Variants in GALNTL5 observed in about 807,000 individuals in gnomAD.
GALNTL5 encodes the protein polypeptide N-acetylgalactosaminyltransferase like 5, also known as inactive polypeptide N-acetylgalactosaminyltransferase-like protein 5.
In GALNTL5, 44 loss-of-function variants were observed where a neutral mutation model predicts 51.0. The ratio of observed to expected loss-of-function variants is 0.86; its 90% confidence interval spans 0.68 to 1.11. The LOEUF (loss-of-function observed/expected upper bound fraction) is 1.11, where lower values mean the gene tolerates loss of function less well. Ranked by LOEUF, GALNTL5 falls within the 50% of genes least tolerant of loss-of-function variation. The pLI, the probability that GALNTL5 is intolerant of heterozygous loss-of-function variation, is 0.00. For missense variants in GALNTL5, 528 were observed against 531.8 expected (o/e 0.99, Z 0.07); for synonymous variants, 192 against 182.8 (o/e 1.05, Z -0.41).
intron 7 of GALNTL5, among the ~76,000 whole-genome samples, chr7:152,013,404 A>G (rs57701367): frequency 0.067 from 10,183 of 152,208 alleles, 1,119 homozygotes; most frequent in African/African-American, 0.23. Flanking sequence ...TCCTTCATGT[A>G]TCAGCTAGCT....
At chr7:151,991,382 C>A (rs954399171) in intron 5 of GALNTL5, among the ~76,000 whole-genome samples, 3 of 152,120 alleles carry the variant, frequency 2.0e-5, no homozygotes, top group Admixed American at 6.5e-5. Flanking sequence ...TGAGCCACTG[C>A]GCACGGCCTG....
chr7:151,993,464 T>C (rs928330516), intron 5 of GALNTL5, among the ~76,000 whole-genome samples: 3 of 152,180 alleles, frequency 2.0e-5, no homozygotes, highest in South Asian at 2.1e-4. Context: ...ATTGTCTTCT[T>C]TTTTTTAGGA....
intron 1 of GALNTL5, among the ~76,000 whole-genome samples, chr7:151,966,499 C>T (rs534461764): frequency 2.0e-5 from 3 of 152,246 alleles, no homozygotes; most frequent in African/African-American, 7.2e-5. Flanking sequence ...GAACTCCTGA[C>T]CTCAGGTGAT....
chr7:152,014,416 C>T (rs113625973), intron 7 of GALNTL5, among the ~76,000 whole-genome samples: 2,512 of 152,090 alleles, frequency 0.017, 65 homozygotes, highest in African/African-American at 0.054. Flanking sequence ...TACAGGCATG[C>T]GCCACCACGC....
At chr7:151,966,182 A>T (rs577385076) in intron 1 of GALNTL5, among the ~76,000 whole-genome samples, 1 of 152,076 alleles carries the variant, frequency 6.6e-6, no homozygotes, top group African/African-American at 2.4e-5. Context: ...ATTCATTTCC[A>T]TCATTGAAAG....
At chr7:151,965,714 A>G (rs2081050777) in intron 1 of GALNTL5, among the ~76,000 whole-genome samples, 1 of 152,170 alleles carries the variant, frequency 6.6e-6, no homozygotes, top group South Asian at 2.1e-4. Flanking sequence ...CCTTGTCTAT[A>G]CAAAAAAATA....
chr7:151,966,267 CTTT>C (rs199729215), intron 1 of GALNTL5, among the ~76,000 whole-genome samples: 2 of 143,884 alleles, frequency 1.4e-5, no homozygotes, highest in African/African-American at 2.5e-5. Context: ...TCTTTTCTTT[CTTT>C]TTTTTTTTTT....
chr7:151,967,928 CAT>C (rs1405707893), intron 2 of GALNTL5, among the ~76,000 whole-genome samples: 1 of 152,116 alleles, frequency 6.6e-6, no homozygotes, highest in African/African-American at 2.4e-5. Flanking sequence ...TTCTGATACA[CAT>C]ATCTTTTTGG....
At chr7:151,983,174 C>T (rs1217160016) in intron 4 of GALNTL5, 22 bp downstream of exon 4, 2 of 1,584,352 alleles carry the variant, frequency 1.3e-6, no homozygotes, top group Non-Finnish European at 1.7e-6. Flanking sequence ...CACTCATTAT[C>T]TCATCTACTT....
At chr7:151,981,025 T>G (rs57578446) in intron 3 of GALNTL5, among the ~76,000 whole-genome samples, 4,130 of 151,984 alleles carry the variant, frequency 0.027, 75 homozygotes, top group South Asian at 0.044. Context: ...GATTACAGGC[T>G]TGAGCCACCG....
Position 152,014,677 on chromosome 7 carries a change from C to G in GALNTL5, c.1060C>G (p.Pro354Ala), listed in dbSNP as rs749031392. Residue 354 changes from proline to alanine, a missense_variant, in exon 8 of 9, where the codon CCC becomes GCC. Pro to Ala is a conservative substitution (Grantham distance 27, BLOSUM62 -1). Coordinates refer to ENST00000392800, the MANE Select transcript of GALNTL5 (RefSeq NM_145292.4). ...WMCGGQLFII[P>A]CSRVGHISKK... ...GTGTGGAGGCCAACTCTTTATAATC[C>G]CCTGCTCTCGAGTAGGACATATCAG... is the stretch of plus-strand genomic sequence containing the variant. 1.2e-6 allele frequency: 2 copies of G among 1,612,044 alleles called. No individual in the cohort carries two copies. Among genetic ancestry groups the G allele is most frequent in the Non-Finnish European group, 1.7e-6 (2 of 1,179,218 alleles).
intron 5 of GALNTL5, among the ~76,000 whole-genome samples, chr7:151,999,258 C>A (rs1563019674): frequency 6.6e-6 from 1 of 152,188 alleles, no homozygotes; most frequent in African/African-American, 2.4e-5. Context: ...CAGTTTGTTT[C>A]TCCATTCATC....
chr7:152,007,769 GA>G lies in GALNTL5; in HGVS notation c.909-55del, dbSNP rs2081667903. 37 of 976,552 alleles carry G rather than the reference GA, an allele frequency of 3.8e-5. No homozygotes were observed. The South Asian group carries it at 5.0e-4, about 13-fold the overall frequency. 60.5% of individuals were successfully genotyped at this position (976,552 alleles called of 1,614,324 possible). ...ATTACTAATTTAATATAATTTTGAG[GA>G]AACTACAGAATGACTTTCTCTGTGA... On this transcript the variant is annotated intron_variant, in intron 6 of 8. Transcript: ENST00000392800.
At chr7:151,989,824 T>C (rs2081405218) in intron 5 of GALNTL5, among the ~76,000 whole-genome samples, 1 of 152,198 alleles carries the variant, frequency 6.6e-6, no homozygotes, top group South Asian at 2.1e-4. Flanking sequence ...CCATCAAATT[T>C]TTTCATATTT....
intron 2 of GALNTL5, among the ~76,000 whole-genome samples, chr7:151,968,551 G>T (rs2081088350): frequency 6.6e-6 from 1 of 152,142 alleles, no homozygotes; most frequent in Admixed American, 6.5e-5. Flanking sequence ...TTTCCCCGAG[G>T]TCACACCCTA....
At chr7:151,987,683 A>G (rs2081376576) in intron 5 of GALNTL5, among the ~76,000 whole-genome samples, 1 of 152,160 alleles carries the variant, frequency 6.6e-6, no homozygotes, top group Non-Finnish European at 1.5e-5. Flanking sequence ...GGACCCCACA[A>G]TGAAATAAGA....
At chr7:152,011,942 T>C (rs2081743167) in intron 7 of GALNTL5, among the ~76,000 whole-genome samples, 1 of 152,244 alleles carries the variant, frequency 6.6e-6, no homozygotes, top group African/African-American at 2.4e-5. Flanking sequence ...TTACTTTTTC[T>C]TTCATCTGTC....
chr7:151,993,868 C>T (rs2081458966), intron 5 of GALNTL5, among the ~76,000 whole-genome samples: 2 of 152,124 alleles, frequency 1.3e-5, no homozygotes, highest in Non-Finnish European at 1.5e-5. Context: ...AATATTCTCC[C>T]ATCTTAACCT....
intron 5 of GALNTL5, among the ~76,000 whole-genome samples, chr7:151,998,786 A>C (rs536755242): frequency 1.2e-4 from 18 of 150,394 alleles, no homozygotes; most frequent in Middle Eastern, 6.8e-3. Flanking sequence ...AAAAAAAACA[A>C]AAAACAAAAC....
Sources: gnomAD v4.1 joint callset for allele counts (sites outside exome capture counted in the v4.1 genomes callset) on GRCh38, gnomAD v4.1.1 for gene constraint, MANE v1.5 for transcripts, NCBI Gene and HGNC (gene_info 2026-07-23, HGNC 2026-07-21) for gene names.